Variants in UPB1 observed in about 807,000 individuals in gnomAD.
The protein encoded by UPB1 is beta-ureidopropionase 1.
A neutral mutation model predicts 49.1 loss-of-function variants in UPB1; 40 were observed. The observed-to-expected ratio is 0.81, with a 90% CI of 0.63 to 1.06. UPB1 has a LOEUF of 1.06. UPB1 is among the 50% of genes least tolerant of loss of function. UPB1 has a pLI of 0.00. For missense variants in UPB1, 499 were observed against 505.9 expected (o/e 0.99, Z 0.13); for synonymous variants, 207 against 198.2 (o/e 1.04, Z -0.38).
At chr22:24,520,083 A>C in intron 6 of UPB1, 1 of 467,228 alleles carries the variant, frequency 2.1e-6, no homozygotes, top group Non-Finnish European at 3.9e-6. Flanking sequence ...GATTTGATCC[A>C]GGGCTGCTAA....
intron 1 of UPB1, among the ~76,000 whole-genome samples, chr22:24,497,411 C>G (rs2043913045): frequency 6.6e-6 from 1 of 152,116 alleles, no homozygotes; most frequent in South Asian, 2.1e-4. Flanking sequence ...ATTTAAAGTG[C>G]TGGTGGTAAA....
chr22:24,510,749 C>G lies in UPB1; in HGVS notation c.365C>G (p.Thr122Ser). The G allele has an allele frequency of 6.2e-7, 1 of 1,614,148 alleles. No individual in the cohort carries two copies. Among genetic ancestry groups the G allele is most frequent in the Non-Finnish European group, 8.5e-7 (1 of 1,179,962 alleles). The change falls in exon 4 of 10, where the codon ACT (threonine) becomes AGT (serine). Residue 122 changes from threonine (T) to serine (S), a missense_variant and splice_region_variant. Coordinates refer to ENST00000326010, the MANE Select transcript of UPB1 (RefSeq NM_016327.3). ...VNIICFQEAWTMPFAFCTREK... is the reference protein window; with the variant it reads ...VNIICFQEAWSMPFAFCTREK... ...ATTCTGCCCTTTCTCCTATTTATAG[C>G]TATGCCCTTTGCCTTCTGTACGAGA...
chr22:24,510,942 G>T, intron 4 of UPB1, 99 bp downstream of exon 4: 3 of 1,229,172 alleles, frequency 2.4e-6, no homozygotes, highest in South Asian at 2.4e-5. Flanking sequence ...CATGGAAAAT[G>T]CACCCATTTG....
intron 3 of UPB1, chr22:24,503,162 A>G (rs980263865): frequency 9.2e-5 from 14 of 152,264 alleles, no homozygotes; most frequent in African/African-American, 3.4e-4. Flanking sequence ...TTTGTTTTCT[A>G]CTTGCCACGC....
chr22:24,523,187 T>G (rs1351764703), intron 8 of UPB1, among the ~76,000 whole-genome samples: 1 of 151,948 alleles, frequency 6.6e-6, no homozygotes, highest in East Asian at 1.9e-4. Flanking sequence ...CTTACACATG[T>G]GTGGGGTGGC....
At chr22:24,498,598 G>A (rs1371451821) in intron 1 of UPB1, among the ~76,000 whole-genome samples, 2 of 152,180 alleles carry the variant, frequency 1.3e-5, no homozygotes, top group Non-Finnish European at 2.9e-5. Context: ...GGATAAGGAG[G>A]TGGGCAGCCT....
intron 1 of UPB1, among the ~76,000 whole-genome samples, chr22:24,499,163 G>C (rs1196966785): frequency 1.3e-5 from 2 of 152,226 alleles, no homozygotes; most frequent in African/African-American, 4.8e-5. Flanking sequence ...CCTGGCAGGG[G>C]GCGGCGACAG....
At chr22:24,516,957 C>T (rs545301906) in intron 6 of UPB1, among the ~76,000 whole-genome samples, 3 of 152,352 alleles carry the variant, frequency 2.0e-5, no homozygotes, top group South Asian at 2.1e-4. Flanking sequence ...ATCTCCTGAC[C>T]TTGTGATCCA....
chr22:24,526,952 A>G lies in UPB1; in HGVS notation c.*1158A>G, dbSNP rs964983058. 1 of 152,206 alleles carries G rather than the reference A, an allele frequency of 6.6e-6. No individual in the cohort carries two copies. The highest frequency in any genetic ancestry group is 1.5e-5 in the Non-Finnish European group (1 of 68,038). The allele number at this position is 152,206 out of a possible 1,614,324, so 9.4% of individuals were successfully genotyped here. ...AATTTGTTGCACTAAATCCTTTTAT[A>G]TCTCTATCCATCACCTACTAATTCT... On this transcript the variant is annotated 3_prime_UTR_variant, in exon 10 of 10. Coordinates refer to ENST00000326010, the MANE Select transcript of UPB1 (RefSeq NM_016327.3).
intron 1 of UPB1, among the ~76,000 whole-genome samples, chr22:24,499,881 C>T (rs2043959295): frequency 6.6e-6 from 1 of 152,208 alleles, no homozygotes; most frequent in Non-Finnish European, 1.5e-5. Context: ...GCTGACTCTG[C>T]TGAGGTCTCC....
At chr22:24,508,054 A>G (rs1195564240) in intron 3 of UPB1, among the ~76,000 whole-genome samples, 5 of 151,884 alleles carry the variant, frequency 3.3e-5, no homozygotes, top group Admixed American at 6.6e-5. Flanking sequence ...TCTTCTTTCT[A>G]CCAGGCACCA....
chr22:24,498,858 CA>C (rs2043937919), intron 1 of UPB1, among the ~76,000 whole-genome samples: 1 of 152,362 alleles, frequency 6.6e-6, no homozygotes, highest in East Asian at 1.9e-4. Flanking sequence ...AGGGAATAGA[CA>C]CATAAGCCTT....
At chr22:24,496,264 G>T (rs1345395455) in intron 1 of UPB1, among the ~76,000 whole-genome samples, 1 of 151,970 alleles carries the variant, frequency 6.6e-6, no homozygotes, top group Non-Finnish European at 1.5e-5. Flanking sequence ...CTAGCTACAT[G>T]GCAGGCTGAG....
At chr22:24,496,755 G>A (rs979812332) in intron 1 of UPB1, among the ~76,000 whole-genome samples, 2 of 152,046 alleles carry the variant, frequency 1.3e-5, no homozygotes, top group South Asian at 2.1e-4. Flanking sequence ...ATATTCAAGG[G>A]GTCAGAGAAA....
intron 5 of UPB1, 28 bp downstream of exon 5, chr22:24,513,513 G>A: frequency 6.2e-7 from 1 of 1,609,382 alleles, no homozygotes; most frequent in East Asian, 2.2e-5. Flanking sequence ...TAGATAACCA[G>A]CCCTGCTCAC....
intron 3 of UPB1, among the ~76,000 whole-genome samples, chr22:24,507,515 G>C (rs1029219126): frequency 1.3e-5 from 2 of 152,152 alleles, no homozygotes; most frequent in African/African-American, 4.8e-5. Flanking sequence ...TGTTGGAGAC[G>C]ATCTGCCTAT....
Position 24,524,066 on chromosome 22 carries a change from G to A in UPB1, c.1071+293G>A, listed in dbSNP as rs376544193. On this transcript the variant is annotated intron_variant, in intron 9 of 9. Transcript: ENST00000326010. ...TTTCATTTGTCCAGAGAATAGAATGGATTGGCTCCTCTAATCCTTTTTCCT... is the reference window on the plus strand; with the variant it reads ...TTTCATTTGTCCAGAGAATAGAATGAATTGGCTCCTCTAATCCTTTTTCCT... Among the ~76,000 whole-genome samples the A allele has an allele frequency of 3.3e-5, 5 of 152,236 alleles. No individual in the cohort carries two copies. The South Asian group carries it at 1.0e-3, about 32-fold the overall frequency.
intron 6 of UPB1, chr22:24,518,359 G>A (rs570360932): frequency 1.3e-5 from 2 of 152,244 alleles, no homozygotes; most frequent in East Asian, 1.9e-4. Flanking sequence ...AGAAAAAGAC[G>A]TGTTCAGGCT....
chr22:24,523,048 C>T (rs140339), intron 8 of UPB1, among the ~76,000 whole-genome samples: 5,773 of 152,104 alleles, frequency 0.038, 214 homozygotes, highest in South Asian at 0.12. Flanking sequence ...TCAGGTCCCC[C>T]GACTTCTAGA....
Sources: allele counts gnomAD v4.1 joint callset (sites outside exome capture counted in the v4.1 genomes callset), GRCh38; gene constraint gnomAD v4.1.1; transcripts MANE v1.5; gene names NCBI Gene and HGNC (gene_info 2026-07-23, HGNC 2026-07-21).